TLK2: variants seen among roughly 807,000 people sequenced by gnomAD.
TLK2 encodes tousled like kinase 2.
A neutral mutation model predicts 117.3 loss-of-function variants in TLK2; 6 were observed. That is an observed-to-expected ratio of 0.05 (90% CI 0.03 to 0.10). The LOEUF is 0.10. Among genes scored for constraint, TLK2 ranks in the 10% least tolerant of loss-of-function variants. The probability of loss-of-function intolerance (pLI) is 1.00; values close to 1 mark genes in which losing one functional copy is unlikely to be tolerated. For synonymous variants in TLK2, 257 were observed against 316.7 expected (o/e 0.81, Z 2.00); for missense variants, 299 against 901.2 (o/e 0.33, Z 8.56).
chr17:62,496,522 C>T (rs1284348563), intron 2 of TLK2, among the ~76,000 whole-genome samples: 2 of 152,070 alleles, frequency 1.3e-5, no homozygotes, highest in Non-Finnish European at 2.9e-5. Flanking sequence ...ATTTGTCTCC[C>T]ATAGTCAAGT....
intron 2 of TLK2, among the ~76,000 whole-genome samples, chr17:62,481,967 CAG>C (rs1183160856): frequency 2.0e-5 from 3 of 151,848 alleles, no homozygotes; most frequent in East Asian, 3.9e-4. Context: ...TTTTTTGAGA[CAG>C]AGTTTTCCTC....
chr17:62,500,424 A>G (rs1427590330), intron 2 of TLK2, among the ~76,000 whole-genome samples: 1 of 152,228 alleles, frequency 6.6e-6, no homozygotes, highest in Non-Finnish European at 1.5e-5. Context: ...AGAAGGATCA[A>G]TTTTTTGAGA....
At chr17:62,510,370 T>C (rs2075048920) in intron 2 of TLK2, among the ~76,000 whole-genome samples, 1 of 152,222 alleles carries the variant, frequency 6.6e-6, no homozygotes, top group African/African-American at 2.4e-5. Flanking sequence ...CAGATAGCCT[T>C]GGTTCAGATC....
chr17:62,542,977 A>G (rs1343607576), intron 7 of TLK2, among the ~76,000 whole-genome samples: 1 of 152,252 alleles, frequency 6.6e-6, no homozygotes, highest in Non-Finnish European at 1.5e-5. Flanking sequence ...CATGTCTATT[A>G]GCATCTATAA....
chr17:62,544,692 T>G (rs1240419880), intron 7 of TLK2, among the ~76,000 whole-genome samples: 1 of 152,252 alleles, frequency 6.6e-6, no homozygotes, highest in Non-Finnish European at 1.5e-5. Flanking sequence ...GTTTGGGATC[T>G]GTTGCATTTC....
chr17:62,596,800 A>AT (rs1216454604), intron 17 of TLK2, 126 bp downstream of exon 17: 2 of 728,408 alleles, frequency 2.7e-6, no homozygotes, highest in Non-Finnish European at 4.5e-6. Context: ...TTTGTGACAA[A>AT]TGATCAAACA....
At chr17:62,511,583 T>C (rs2075148808) in intron 2 of TLK2, among the ~76,000 whole-genome samples, 1 of 152,186 alleles carries the variant, frequency 6.6e-6, no homozygotes, top group Non-Finnish European at 1.5e-5. Flanking sequence ...TTGGCCAGGC[T>C]GGTCTTGAAT....
At chr17:62,533,900 C>T (rs945500626) in intron 6 of TLK2, among the ~76,000 whole-genome samples, 3 of 151,998 alleles carry the variant, frequency 2.0e-5, no homozygotes, top group Non-Finnish European at 2.9e-5. Context: ...ATCTTCTTTT[C>T]CCTTTTTTTC....
rs568121416 is a variant in TLK2 at position 62,481,013 on chromosome 17, C to T, written c.-5-108C>T. 1.9e-4 allele frequency: 185 copies of T among 998,104 alleles called. 1 individual carries two copies. In the African/African-American group the frequency reaches 2.5e-3, roughly 13 times the overall value. The allele number at this position is 998,104 out of a possible 1,614,324, so 61.8% of individuals were successfully genotyped here. ...TATGCTATATTTACTTGAGATTTACCTGCATTTGATCTTTCAGTGAAATAA... is the reference window on the plus strand; with the variant it reads ...TATGCTATATTTACTTGAGATTTACTTGCATTTGATCTTTCAGTGAAATAA... On this transcript the variant is annotated intron_variant, in intron 1 of 21. Coordinates refer to ENST00000346027, the MANE Select transcript of TLK2 (RefSeq NM_006852.6).
chr17:62,530,527 T>C (rs1273744460), intron 6 of TLK2, among the ~76,000 whole-genome samples: 1 of 152,200 alleles, frequency 6.6e-6, no homozygotes, highest in Non-Finnish European at 1.5e-5. Flanking sequence ...TGAAGTCAGT[T>C]GTATCTTCAT....
intron 7 of TLK2, among the ~76,000 whole-genome samples, chr17:62,543,523 A>C (rs1057395951): frequency 6.6e-6 from 1 of 152,122 alleles, no homozygotes; most frequent in Non-Finnish European, 1.5e-5. Flanking sequence ...TTTTCATTAT[A>C]GCCATCCTAG....
chr17:62,594,211 C>G (rs2082287393), intron 16 of TLK2, among the ~76,000 whole-genome samples: 1 of 152,064 alleles, frequency 6.6e-6, no homozygotes, highest in Non-Finnish European at 1.5e-5. Flanking sequence ...AGTTCAAGAT[C>G]AACCTGGCCA....
At chr17:62,578,965 G>A (rs1456836340) in intron 14 of TLK2, among the ~76,000 whole-genome samples, 5 of 152,080 alleles carry the variant, frequency 3.3e-5, no homozygotes, top group East Asian at 1.9e-4. Flanking sequence ...GATGACACTC[G>A]GTTTCTGAAT....
chr17:62,488,726 G>A lies in TLK2; in HGVS notation c.81+7520G>A, dbSNP rs138174728. Among the ~76,000 whole-genome samples, 236 of 151,688 alleles carry A rather than the reference G, an allele frequency of 1.6e-3. 3 individuals are homozygous for A. The highest frequency in any genetic ancestry group is 3.4e-3 in the Middle Eastern group (1 of 294). On this transcript the variant is annotated intron_variant, in intron 2 of 21. Coordinates refer to ENST00000346027, the MANE Select transcript of TLK2 (RefSeq NM_006852.6). Reference sequence around the variant, plus strand: ...CTTGCACTCTTTCTGTTCTTTTATTGGTTACCACAGAAATTACAACAGATA... The same window carrying A: ...CTTGCACTCTTTCTGTTCTTTTATTAGTTACCACAGAAATTACAACAGATA...
intron 7 of TLK2, chr17:62,549,981 A>C (rs1434201465): frequency 2.7e-5 from 4 of 150,724 alleles, no homozygotes; most frequent in African/African-American, 9.8e-5. Flanking sequence ...CAAATCATAA[A>C]CTTTTTTTTG....
At chr17:62,498,793 C>A (rs953241479) in intron 2 of TLK2, among the ~76,000 whole-genome samples, 17 of 152,082 alleles carry the variant, frequency 1.1e-4, no homozygotes, top group African/African-American at 4.1e-4. Context: ...GTGAGTTAGA[C>A]CTGTATGTCT....
intron 7 of TLK2, among the ~76,000 whole-genome samples, chr17:62,543,495 A>G (rs536315295): frequency 1.1e-4 from 17 of 152,276 alleles, no homozygotes; most frequent in African/African-American, 3.9e-4. Flanking sequence ...CCTTGCCAGT[A>G]CTTGCTATTG....
In TLK2 at chr17:62,491,957, A is replaced by G. The variant is rs7214030; in HGVS notation, c.81+10751A>G. The stretch of plus-strand genomic sequence containing the variant: ...TGCAAAGTATTGGAGTAGGAATAAT[A>G]TAACTTTGATACTAGAATCTGCTAA... On this transcript the variant is annotated intron_variant, in intron 2 of 21. Transcript: ENST00000346027. 5.7e-3 allele frequency among the ~76,000 whole-genome samples: 873 copies of G among 152,364 alleles called. 8 individuals are homozygous for G. Among genetic ancestry groups the G allele is most frequent in the African/African-American group, 0.02 (832 of 41,588 alleles).
intron 2 of TLK2, chr17:62,516,753 C>T: frequency 7.6e-6 from 12 of 1,572,612 alleles, no homozygotes; most frequent in Non-Finnish European, 1.0e-5. Flanking sequence ...TCCAGTTCTT[C>T]TTAGGCATCA....
Sources: allele counts gnomAD v4.1 joint callset (sites outside exome capture counted in the v4.1 genomes callset), GRCh38; gene constraint gnomAD v4.1.1; transcripts MANE v1.5; gene names NCBI Gene and HGNC (gene_info 2026-07-23, HGNC 2026-07-21).